The following SGCZ variants were observed in gnomAD, a reference collection of about 807,000 sequenced individuals.
SGCZ encodes the protein zeta-sarcoglycan.
SGCZ carries 40 observed loss-of-function variants against 41.3 expected under a neutral mutation model. That is an observed-to-expected ratio of 0.97 (90% CI 0.75 to 1.26). The LOEUF (loss-of-function observed/expected upper bound fraction) is 1.26. SGCZ is among the 50% of genes most tolerant of loss of function. SGCZ has a pLI of 0.00. For synonymous variants in SGCZ, 206 were observed against 137.5 expected, an observed-to-expected ratio of 1.50 and a Z score of -3.49; for missense variants, 552 against 369.8, an observed-to-expected ratio of 1.49 and a Z score of -4.04.
At chr8:14,180,551 T>C (rs192330099) in intron 4 of SGCZ, among the ~76,000 whole-genome samples, 2 of 151,174 alleles carry the variant, frequency 1.3e-5, no homozygotes, top group Admixed American at 1.3e-4. Context: ...GCAGTCTCAT[T>C]GAAGAAAAAA....
At chr8:14,759,835 G>C (rs927697345) in intron 1 of SGCZ, among the ~76,000 whole-genome samples, 1 of 152,116 alleles carries the variant, frequency 6.6e-6, no homozygotes, top group Non-Finnish European at 1.5e-5. Context: ...CTAGATCAGG[G>C]CTACTTTAAA....
At chr8:14,588,339 ATAAG>A (rs1262913567) in intron 1 of SGCZ, among the ~76,000 whole-genome samples, 2 of 152,148 alleles carry the variant, frequency 1.3e-5, no homozygotes, top group East Asian at 3.8e-4. Context: ...AGCACAATCA[ATAAG>A]TAAGTTTCTT....
At chr8:14,930,036 C>T (rs1233437853) in intron 1 of SGCZ, among the ~76,000 whole-genome samples, 1 of 151,918 alleles carries the variant, frequency 6.6e-6, no homozygotes, top group East Asian at 1.9e-4. Context: ...GTTTTGGAGT[C>T]TTAGCAAGCA....
chr8:14,098,231 A>G (rs1801904905), intron 7 of SGCZ, among the ~76,000 whole-genome samples: 2 of 152,208 alleles, frequency 1.3e-5, no homozygotes, highest in African/African-American at 2.4e-5. Flanking sequence ...ATGTTGAAAT[A>G]TATTACCCCA....
At chr8:15,222,641 T>G (rs1053576881) in intron 1 of SGCZ, among the ~76,000 whole-genome samples, 1 of 152,202 alleles carries the variant, frequency 6.6e-6, no homozygotes, top group Admixed American at 6.5e-5. Flanking sequence ...ATTATATTTA[T>G]GAGAGTTTTT....
chr8:14,270,709 A>G (rs1185460933), intron 3 of SGCZ, among the ~76,000 whole-genome samples: 2 of 152,176 alleles, frequency 1.3e-5, no homozygotes, highest in Non-Finnish European at 2.9e-5. Flanking sequence ...TAGTGCCGCA[A>G]TAAACACTAT....
At chr8:14,940,290 C>T (rs953138515) in intron 1 of SGCZ, among the ~76,000 whole-genome samples, 1 of 152,108 alleles carries the variant, frequency 6.6e-6, no homozygotes, top group Non-Finnish European at 1.5e-5. Flanking sequence ...AATATAGCAT[C>T]ATCATCAAAT....
chr8:14,860,186 C>CTTT (rs112546263), intron 1 of SGCZ, among the ~76,000 whole-genome samples: 13 of 150,308 alleles, frequency 8.6e-5, no homozygotes, highest in African/African-American at 3.2e-4. Flanking sequence ...TACACAAAGT[C>CTTT]TTTTTTTTTG....
At chr8:14,303,038 A>G (rs1585339399) in intron 3 of SGCZ, among the ~76,000 whole-genome samples, 2 of 152,164 alleles carry the variant, frequency 1.3e-5, no homozygotes, top group Non-Finnish European at 2.9e-5. Flanking sequence ...TGTGACTGAC[A>G]TCTTACAAGA....
At chr8:14,489,367 C>A (rs947152977) in intron 2 of SGCZ, among the ~76,000 whole-genome samples, 4 of 151,706 alleles carry the variant, frequency 2.6e-5, no homozygotes, top group Non-Finnish European at 5.9e-5. Flanking sequence ...AAATTAAGGA[C>A]GTTCTTTCTT....
chr8:14,460,013 G>A (rs1800856970), intron 2 of SGCZ, among the ~76,000 whole-genome samples: 1 of 152,102 alleles, frequency 6.6e-6, no homozygotes, highest in East Asian at 1.9e-4. Flanking sequence ...GGTGAAAAAA[G>A]AGACCTTAGT....
chr8:14,797,511 C>T (rs1467706624), intron 1 of SGCZ, among the ~76,000 whole-genome samples: 2 of 152,154 alleles, frequency 1.3e-5, no homozygotes, highest in Non-Finnish European at 2.9e-5. Flanking sequence ...AGTGGCAAAG[C>T]ATTCAAGAGG....
intron 1 of SGCZ, among the ~76,000 whole-genome samples, chr8:15,161,454 A>G (rs1299628425): frequency 6.6e-6 from 1 of 152,048 alleles, no homozygotes; most frequent in Non-Finnish European, 1.5e-5. Context: ...ATTTTTCACC[A>G]TCAGGATGTC....
At chr8:14,279,431 CT>C (rs540423236) in intron 3 of SGCZ, among the ~76,000 whole-genome samples, 4 of 151,840 alleles carry the variant, frequency 2.6e-5, no homozygotes, top group Non-Finnish European at 2.9e-5. Context: ...AGGACACTAC[CT>C]TTTTTTCCCT....
chr8:14,611,533 T>C (rs1038986311), intron 1 of SGCZ, among the ~76,000 whole-genome samples: 7 of 152,172 alleles, frequency 4.6e-5, no homozygotes, highest in Non-Finnish European at 8.8e-5. Context: ...TTAACATGAA[T>C]TAATGAAGAG....
At chr8:15,140,836 C>A (rs1044550693) in intron 1 of SGCZ, among the ~76,000 whole-genome samples, 3 of 152,132 alleles carry the variant, frequency 2.0e-5, no homozygotes, top group Non-Finnish European at 4.4e-5. Context: ...TCATGAGAAC[C>A]TCAGTAGTAT....
At chr8:14,415,908 G>A (rs1419015456) in intron 2 of SGCZ, among the ~76,000 whole-genome samples, 1 of 151,802 alleles carries the variant, frequency 6.6e-6, no homozygotes, top group African/African-American at 2.4e-5. Context: ...ATCTTTTTCT[G>A]ACCTCCTTTA....
intron 1 of SGCZ, among the ~76,000 whole-genome samples, chr8:15,100,798 T>C (rs1806581011): frequency 6.6e-6 from 1 of 152,020 alleles, no homozygotes; most frequent in Admixed American, 6.6e-5. Context: ...GCCTGGGCAA[T>C]GAAGTGAGAC....
At chr8:14,298,606 A>G (rs1327774903) in intron 3 of SGCZ, among the ~76,000 whole-genome samples, 2 of 152,000 alleles carry the variant, frequency 1.3e-5, no homozygotes, top group African/African-American at 2.4e-5. Context: ...AAAATTTTAT[A>G]TACTCAGAAC....
Sources: allele counts gnomAD v4.1 joint callset (sites outside exome capture counted in the v4.1 genomes callset), GRCh38; gene constraint gnomAD v4.1.1; transcripts MANE v1.5; gene names NCBI Gene and HGNC (gene_info 2026-07-23, HGNC 2026-07-21).